SRGN: variants seen among roughly 807,000 people sequenced by gnomAD.
SRGN encodes the protein hematopoetic proteoglycan core peptide.
SRGN carries 2 observed loss-of-function variants against 9.5 expected under a neutral mutation model. The observed-to-expected ratio is 0.21, with a 90% confidence interval of 0.09 to 0.66. The LOEUF (loss-of-function observed/expected upper bound fraction) is 0.66. SRGN is among the 30% of genes least tolerant of loss of function. The pLI is 0.83. For synonymous variants in SRGN, 59 were observed against 72.3 expected (o/e 0.82, Z 0.93); for missense variants, 170 against 192.4 (o/e 0.88, Z 0.69).
At chr10:69,093,085 T>C (rs189944285) in intron 1 of SRGN, among the ~76,000 whole-genome samples, 1 of 152,280 alleles carries the variant, frequency 6.6e-6, no homozygotes, top group East Asian at 1.9e-4. Context: ...GAGCAAACAT[T>C]TTCTCAGCTT....
intron 2 of SRGN, among the ~76,000 whole-genome samples, chr10:69,100,969 TTTTC>T (rs1554850910): frequency 4.0e-5 from 6 of 149,002 alleles, no homozygotes; most frequent in Admixed American, 4.0e-4. Context: ...GGAAGTATTT[TTTTC>T]TTTCTTTCTT....
chr10:69,101,781 C>G (rs561442400), intron 2 of SRGN, among the ~76,000 whole-genome samples: 1 of 152,210 alleles, frequency 6.6e-6, no homozygotes, highest in East Asian at 1.9e-4. Context: ...GCTAACTGGG[C>G]CATGCATGTA....
intron 1 of SRGN, among the ~76,000 whole-genome samples, chr10:69,089,356 T>C (rs1840004314): frequency 6.6e-6 from 1 of 152,186 alleles, no homozygotes; most frequent in African/African-American, 2.4e-5. Flanking sequence ...CTGGGATCTT[T>C]TAGGGAATAT....
chr10:69,089,447 T>C (rs1232592380), intron 1 of SRGN, among the ~76,000 whole-genome samples: 5 of 152,140 alleles, frequency 3.3e-5, no homozygotes, highest in African/African-American at 9.7e-5. Flanking sequence ...TTTAGTACAG[T>C]CTTGAATGGC....
rs1158290166 is a variant in SRGN, at chr10:69,095,633, G to A, written c.80-1451G>A. ...TAACAAAGAACCTCCTATATAGGCC[G>A]GGCATGGTGGCTCACGCCTGTAATC... is the stretch of plus-strand genomic sequence containing the variant. On this transcript the variant is annotated intron_variant, in intron 1 of 2. Coordinates refer to ENST00000242465, the MANE Select transcript of SRGN (RefSeq NM_002727.4). 3.9e-5 allele frequency among the ~76,000 whole-genome samples: 6 copies of A among 152,234 alleles called. 1 individual carries two copies. In the South Asian group the frequency reaches 1.0e-3, roughly 26 times the overall value.
At chr10:69,092,820 A>G (rs537072292) in intron 1 of SRGN, among the ~76,000 whole-genome samples, 2 of 151,730 alleles carry the variant, frequency 1.3e-5, no homozygotes, top group South Asian at 2.1e-4. Flanking sequence ...AAAGTGTTCA[A>G]TGTTTTTTAG....
At chr10:69,087,979 A>C (rs7906390), upstream of SRGN, 6 of 607,628 alleles carry the variant, frequency 9.9e-6, no homozygotes, top group Admixed American at 2.8e-5. Flanking sequence ...TGTTCCCCCC[A>C]CCCCCTTTCT....
At chr10:69,095,848 G>T (rs1291425795) in intron 1 of SRGN, among the ~76,000 whole-genome samples, 4 of 151,974 alleles carry the variant, frequency 2.6e-5, no homozygotes, top group Non-Finnish European at 4.4e-5. Context: ...GGAGGTGGAG[G>T]TTGCCATGAG....
chr10:69,104,289 G>C lies in SRGN; in HGVS notation c.*169G>C. 6 of 875,296 alleles carry C rather than the reference G, an allele frequency of 6.9e-6. No homozygotes were observed. Among genetic ancestry groups the C allele is most frequent in the Non-Finnish European group, 9.9e-6 (6 of 603,854 alleles). 54.2% of individuals were successfully genotyped at this position (875,296 alleles called of 1,614,324 possible). ...TTCTCATGAATTCTTAAAGGATTATGCTTTAATGCTGTTATCTATTTTATT... is the reference window on the plus strand; with the variant it reads ...TTCTCATGAATTCTTAAAGGATTATCCTTTAATGCTGTTATCTATTTTATT... On this transcript the variant is annotated 3_prime_UTR_variant, in exon 3 of 3. Coordinates refer to ENST00000242465, the MANE Select transcript of SRGN (RefSeq NM_002727.4).
rs1840197076 is a variant in SRGN at position 69,097,383 on chromosome 10, C to T, written c.227+152C>T. ...TCAAGCGATTCTCCTGCTTCAGCCTCTGGAGCAGCTGGGATTTCAGGCGCC... is the reference window on the plus strand; with the variant it reads ...TCAAGCGATTCTCCTGCTTCAGCCTTTGGAGCAGCTGGGATTTCAGGCGCC... On this transcript the variant is annotated intron_variant, in intron 2 of 2. Coordinates refer to ENST00000242465, the MANE Select transcript of SRGN (RefSeq NM_002727.4). The T allele has an allele frequency of 1.8e-5, 10 of 545,196 alleles. No homozygotes were observed. The South Asian group carries it at 2.0e-4, about 11-fold the overall frequency. The allele number at this position is 545,196 out of a possible 1,614,324, so 33.8% of individuals were successfully genotyped here.
At chr10:69,098,329 G>A (rs1043827348) in intron 2 of SRGN, among the ~76,000 whole-genome samples, 2 of 152,182 alleles carry the variant, frequency 1.3e-5, no homozygotes, top group Admixed American at 1.3e-4. Flanking sequence ...GACACCAAAA[G>A]CCACATATTG....
In SRGN at chr10:69,103,944, G is replaced by A. The variant is rs150390439; in HGVS notation, c.301G>A (p.Gly101Ser). 495 of 1,613,944 alleles carry A rather than the reference G, an allele frequency of 3.1e-4. No homozygotes were observed. The highest frequency in any genetic ancestry group is 4.0e-4 in the Non-Finnish European group (469 of 1,180,028). ...CTACTCTGGATCAGGCTTCGGCTCC[G>A]GCTCCGGCTCTGGATCAGGATCTGG... Reference protein sequence around the residue: ...EDYSGSGFGSGSGSGSGSGSG... With the variant: ...EDYSGSGFGSSSGSGSGSGSG... The change falls in exon 3 of 3, where the codon GGC becomes AGC. Residue 101 changes from glycine to serine, a missense_variant. Gly to Ser is a moderately conservative substitution (Grantham distance 56, BLOSUM62 0). Coordinates refer to ENST00000242465, the MANE Select transcript of SRGN (RefSeq NM_002727.4).
At chr10:69,090,709 CA>C (rs1213423043) in intron 1 of SRGN, among the ~76,000 whole-genome samples, 1 of 152,158 alleles carries the variant, frequency 6.6e-6, no homozygotes, top group Non-Finnish European at 1.5e-5. Flanking sequence ...AGAACTGGAA[CA>C]TATGAATTTG....
At chr10:69,088,665 G>A (rs1361165805) in intron 1 of SRGN, among the ~76,000 whole-genome samples, 2 of 151,820 alleles carry the variant, frequency 1.3e-5, no homozygotes, top group African/African-American at 2.4e-5. Flanking sequence ...TTAACACTGG[G>A]AGACGTTATA....
At chr10:69,097,897 A>G (rs1314724219) in intron 2 of SRGN, among the ~76,000 whole-genome samples, 1 of 152,156 alleles carries the variant, frequency 6.6e-6, no homozygotes, top group African/African-American at 2.4e-5. Context: ...GTAATTTCAC[A>G]ACCTCTTGGC....
intron 1 of SRGN, among the ~76,000 whole-genome samples, chr10:69,088,913 C>T (rs1313964144): frequency 6.6e-6 from 1 of 152,082 alleles, no homozygotes; most frequent in African/African-American, 2.4e-5. Flanking sequence ...CAGACTGAAA[C>T]AACTTAAAAC....
At chr10:69,094,264 G>T (rs559708868) in intron 1 of SRGN, among the ~76,000 whole-genome samples, 2 of 152,200 alleles carry the variant, frequency 1.3e-5, no homozygotes, top group South Asian at 4.1e-4. Context: ...AGCTCTCCCA[G>T]ACCAGACATT....
At chr10:69,096,867 C>T (rs1840185012) in intron 1 of SRGN, among the ~76,000 whole-genome samples, 1 of 151,914 alleles carries the variant, frequency 6.6e-6, no homozygotes, top group East Asian at 1.9e-4. Flanking sequence ...GTTGTGGTGC[C>T]CCTGTATTCC....
chr10:69,089,131 G>A lies in SRGN; in HGVS notation c.79+895G>A, dbSNP rs77511539. Among the ~76,000 whole-genome samples the A allele has an allele frequency of 2.8e-3, 429 of 152,258 alleles. 2 individuals carry two copies. Among genetic ancestry groups the A allele is most frequent in the African/African-American group, 9.9e-3 (410 of 41,564 alleles). On this transcript the variant is annotated intron_variant, in intron 1 of 2. Coordinates refer to ENST00000242465, the MANE Select transcript of SRGN (RefSeq NM_002727.4). ...GACACACATGTCCTAGATTTGTTTCGTCAAAGCGACTTTTGGTTGTCATGA... is the reference window on the plus strand; with the variant it reads ...GACACACATGTCCTAGATTTGTTTCATCAAAGCGACTTTTGGTTGTCATGA...
Sources: allele counts gnomAD v4.1 joint callset (sites outside exome capture counted in the v4.1 genomes callset), GRCh38; gene constraint gnomAD v4.1.1; transcripts MANE v1.5; gene names NCBI Gene and HGNC (gene_info 2026-07-23, HGNC 2026-07-21).